The following RBFOX1 variants were observed in gnomAD, a reference collection of about 807,000 sequenced individuals.
The protein encoded by RBFOX1 is RNA binding protein fox-1 homolog 1.
Under a neutral mutation model 57.7 loss-of-function variants are expected in RBFOX1, and 8 were observed. The ratio of observed to expected loss-of-function variants is 0.14; its 90% CI spans 0.08 to 0.25. The LOEUF is 0.25. Among genes scored for constraint, RBFOX1 ranks in the 10% least tolerant of loss-of-function variants. The pLI is 1.00. For missense variants in RBFOX1, 611 were observed against 548.5 expected (o/e 1.11, Z -1.14); for synonymous variants, 326 against 222.4 (o/e 1.47, Z -4.15).
chr16:5,395,194 C>T (rs566589278), intron 1 of RBFOX1, among the ~76,000 whole-genome samples: 3 of 152,202 alleles, frequency 2.0e-5, no homozygotes, highest in South Asian at 4.1e-4. Flanking sequence ...TCTGTCATGA[C>T]CTCACCTGGT....
chr16:5,611,800 A>ACCCC (rs2047819948), intron 3 of RBFOX1, among the ~76,000 whole-genome samples: 2 of 34,482 alleles, frequency 5.8e-5, no homozygotes, highest in Non-Finnish European at 1.2e-4. Flanking sequence ...CCATCCACCC[A>ACCCC]CCCACCCACC....
At chr16:5,458,891 T>A (rs998216843) in intron 1 of RBFOX1, among the ~76,000 whole-genome samples, 2 of 152,224 alleles carry the variant, frequency 1.3e-5, no homozygotes, top group Non-Finnish European at 2.9e-5. Context: ...ATATGATCCC[T>A]CTGCTAATGG....
At chr16:6,915,742 G>A (rs1248131410) in intron 3 of RBFOX1, among the ~76,000 whole-genome samples, 1 of 151,956 alleles carries the variant, frequency 6.6e-6, no homozygotes, top group Non-Finnish European at 1.5e-5. Flanking sequence ...TGTAGAGACA[G>A]GGTTTTGCCA....
At chr16:6,563,245 A>G (rs961814135) in intron 2 of RBFOX1, among the ~76,000 whole-genome samples, 1 of 152,166 alleles carries the variant, frequency 6.6e-6, no homozygotes, top group African/African-American at 2.4e-5. Context: ...ATCCTGTGCA[A>G]CACGCATGAG....
chr16:6,495,579 A>T (rs2095748670), intron 2 of RBFOX1, among the ~76,000 whole-genome samples: 2 of 152,242 alleles, frequency 1.3e-5, no homozygotes, highest in Admixed American at 1.3e-4. Flanking sequence ...TATATAGAAT[A>T]ATCAGCTAGC....
rs75779852 is a variant in RBFOX1, at chr16:7,289,858, G to A, written c.28-228289G>A. ...GGAAGTTTTAAATAACTTGCCAAAA[G>A]CCACTCAGCTAGTATGCTGTAGTTC... is the stretch of plus-strand genomic sequence containing the variant. On this transcript the variant is annotated intron_variant, in intron 4 of 15. Coordinates refer to ENST00000550418, the MANE Select transcript of RBFOX1 (RefSeq NM_018723.4). Among the ~76,000 whole-genome samples, 111 of 152,268 alleles carry A rather than the reference G, an allele frequency of 7.3e-4. No homozygotes were observed. The East Asian group carries it at 0.019, about 26-fold the overall frequency.
intron 1 of RBFOX1, among the ~76,000 whole-genome samples, chr16:5,352,350 G>C (rs1190116506): frequency 6.6e-6 from 1 of 152,004 alleles, no homozygotes; most frequent in Non-Finnish European, 1.5e-5. Flanking sequence ...TGCATTCCTA[G>C]GTATCTTTAC....
chr16:6,622,542 G>C (rs1170755297), intron 2 of RBFOX1, among the ~76,000 whole-genome samples: 1 of 152,074 alleles, frequency 6.6e-6, no homozygotes, highest in East Asian at 1.9e-4. Context: ...TTGTCACAAG[G>C]ATGAAATCAC....
chr16:5,406,500 T>C (rs2066871295), intron 1 of RBFOX1, among the ~76,000 whole-genome samples: 2 of 152,168 alleles, frequency 1.3e-5, no homozygotes, highest in Non-Finnish European at 2.9e-5. Context: ...TTGTGGAACT[T>C]CTTAATCTCC....
rs1348954303 is a variant in RBFOX1, at chr16:6,980,706, A to C, written c.-15-71351A>C. ...ACTCTCCCGGAGATAATTTGGAGGG[A>C]GCAATGTCATCAAAGGAGGGCAGAT... is the stretch of plus-strand genomic sequence containing the variant. On this transcript the variant is annotated intron_variant, in intron 3 of 15. Coordinates refer to ENST00000550418, the MANE Select transcript of RBFOX1 (RefSeq NM_018723.4). 3.3e-5 allele frequency among the ~76,000 whole-genome samples: 5 copies of C among 152,240 alleles called. No homozygotes were observed. In the East Asian group the frequency reaches 9.6e-4, roughly 29 times the overall value.
intron 2 of RBFOX1, among the ~76,000 whole-genome samples, chr16:5,484,332 C>G (rs926727086): frequency 2.0e-5 from 3 of 152,200 alleles, no homozygotes; most frequent in Non-Finnish European, 2.9e-5. Flanking sequence ...CCACACAAAC[C>G]CCTCCAGTAA....
intron 2 of RBFOX1, among the ~76,000 whole-genome samples, chr16:6,455,308 C>T (rs2153053769): frequency 6.6e-6 from 1 of 152,162 alleles, no homozygotes; most frequent in Non-Finnish European, 1.5e-5. Flanking sequence ...CGATGTATTG[C>T]CAAAGCTGGT....
In RBFOX1 at chr16:6,474,009, G is replaced by C. The variant is rs548604521; in HGVS notation, c.-64+156952G>C. ...ATCTGACTTCCTTGAATCGTGACTT[G>C]TGGATAGCAGGCTGGCTTCCTGTAG... is the stretch of plus-strand genomic sequence containing the variant. On this transcript the variant is annotated intron_variant, in intron 2 of 15. Transcript: ENST00000550418. 2.6e-5 allele frequency among the ~76,000 whole-genome samples: 4 copies of C among 152,254 alleles called. No individual in the cohort carries two copies. In the South Asian group the frequency reaches 8.3e-4, roughly 32 times the overall value.
chr16:7,323,896 AATG>A (rs1426507346), intron 4 of RBFOX1, among the ~76,000 whole-genome samples: 1 of 151,756 alleles, frequency 6.6e-6, no homozygotes, highest in Admixed American at 6.6e-5. Context: ...TAGCAAAATG[AATG>A]ATGAGTGGAT....
intron 3 of RBFOX1, among the ~76,000 whole-genome samples, chr16:6,866,929 G>C (rs954329074): frequency 2.0e-5 from 3 of 151,634 alleles, no homozygotes; most frequent in Admixed American, 6.6e-5. Flanking sequence ...GCCCTTATGG[G>C]TCCTTAGCTT....
chr16:7,364,981 G>T (rs527531170), intron 4 of RBFOX1, among the ~76,000 whole-genome samples: 2 of 152,248 alleles, frequency 1.3e-5, no homozygotes, highest in South Asian at 4.1e-4. Flanking sequence ...ACAATGATCA[G>T]ATGATTCTTT....
intron 1 of RBFOX1, among the ~76,000 whole-genome samples, chr16:5,327,705 C>G (rs570950425): frequency 6.6e-6 from 1 of 152,326 alleles, no homozygotes; most frequent in East Asian, 1.9e-4. Context: ...CCCCGATTCC[C>G]TGGCCTCAGC....
At chr16:6,780,819 C>T (rs2080888056) in intron 3 of RBFOX1, among the ~76,000 whole-genome samples, 1 of 151,628 alleles carries the variant, frequency 6.6e-6, no homozygotes, top group African/African-American at 2.4e-5. Flanking sequence ...CAGATGTTTG[C>T]TCATTTTTAT....
chr16:5,870,760 G>A (rs545290956), intron 4 of RBFOX1, among the ~76,000 whole-genome samples: 1 of 151,974 alleles, frequency 6.6e-6, no homozygotes, highest in East Asian at 1.9e-4. Flanking sequence ...AGCGATCACC[G>A]TTATTTAATG....
Sources: allele counts gnomAD v4.1 joint callset (sites outside exome capture counted in the v4.1 genomes callset), GRCh38; gene constraint gnomAD v4.1.1; transcripts MANE v1.5; gene names NCBI Gene and HGNC (gene_info 2026-07-23, HGNC 2026-07-21).